SMC3: variants seen among roughly 807,000 people sequenced by gnomAD.
SMC3 encodes structural maintenance of chromosomes protein 3.
In SMC3, 20 loss-of-function variants were observed where a neutral mutation model predicts 171.8. The ratio of observed to expected loss-of-function variants is 0.12; its 90% CI spans 0.08 to 0.17. The LOEUF is 0.17. Ranked by LOEUF, SMC3 falls within the 10% of genes least tolerant of loss-of-function variation. The pLI is 1.00. For synonymous variants in SMC3, 464 were observed against 451.1 expected (o/e 1.03, Z -0.36); for missense variants, 543 against 1,420.4 (o/e 0.38, Z 9.93).
At chr10:110,601,398 G>T (rs1861384991) in intron 23 of SMC3, among the ~76,000 whole-genome samples, 1 of 152,118 alleles carries the variant, frequency 6.6e-6, no homozygotes, top group South Asian at 2.1e-4. Flanking sequence ...TCACTTAGTT[G>T]TTAGAAAATA....
At chr10:110,598,765 A>G (rs757069297) in intron 20 of SMC3, among the ~76,000 whole-genome samples, 5 of 152,134 alleles carry the variant, frequency 3.3e-5, no homozygotes, top group African/African-American at 9.7e-5. Flanking sequence ...ATGGATACCC[A>G]AAGTCTCCTA....
intron 8 of SMC3, 119 bp from the exon 9 acceptor site, chr10:110,581,804 C>T (rs1861034054): frequency 2.0e-6 from 2 of 989,542 alleles, no homozygotes; most frequent in South Asian, 2.8e-5. Context: ...GTTACCACAT[C>T]ACATCAAAGA....
At chr10:110,604,142 A>T in intron 28 of SMC3, 89 bp from the exon 29 acceptor site, 1 of 716,664 alleles carries the variant, frequency 1.4e-6, no homozygotes, top group Non-Finnish European at 2.4e-6. Flanking sequence ...ATGTAGTTAA[A>T]TGTAGTTGAT....
chr10:110,600,563 T>G lies in SMC3; in HGVS notation c.2535+17T>G, dbSNP rs777675445. 7 of 1,365,126 alleles carry G rather than the reference T, an allele frequency of 5.1e-6. No individual in the cohort carries two copies. The highest frequency in any genetic ancestry group is 1.7e-5 in the Admixed American group (1 of 59,380). 84.6% of individuals were successfully genotyped at this position (1,365,126 alleles called of 1,614,324 possible). On this transcript the variant is annotated intron_variant, in intron 22 of 28. Coordinates refer to ENST00000361804, the MANE Select transcript of SMC3 (RefSeq NM_005445.4). ...GTAGAACAGGTGTGTATGTGTTTTT[T>G]TTTTTTTTTTTAAGGGCTCCTTGGT...
chr10:110,588,639 T>G (rs1861160962), intron 13 of SMC3, among the ~76,000 whole-genome samples: 1 of 152,198 alleles, frequency 6.6e-6, no homozygotes, highest in African/African-American at 2.4e-5. Flanking sequence ...GCCTGGTACA[T>G]ACTGGGGTTT....
intron 10 of SMC3, 103 bp from the exon 11 acceptor site, chr10:110,583,276 TGAAAG>T: frequency 1.1e-6 from 1 of 895,918 alleles, no homozygotes; most frequent in South Asian, 1.4e-5. Flanking sequence ...AATTGAATAT[TGAAAG>T]GACAGAGTAT....
intron 10 of SMC3, 99 bp from the exon 11 acceptor site, chr10:110,583,285 A>G: frequency 1.1e-6 from 1 of 942,064 alleles, no homozygotes; most frequent in Non-Finnish European, 1.7e-6. Flanking sequence ...TTGAAAGGAC[A>G]GAGTATTACT....
Position 110,583,380 on chromosome 10 carries a change from A to G in SMC3, c.805-4A>G, listed in dbSNP as rs1331233382. The G allele has an allele frequency of 6.2e-7, 1 of 1,611,590 alleles. No individual in the cohort carries two copies. Among genetic ancestry groups the G allele is most frequent in the Non-Finnish European group, 8.5e-7 (1 of 1,178,432 alleles). On this transcript the variant is annotated splice_polypyrimidine_tract_variant and splice_region_variant and intron_variant, in intron 10 of 28. Coordinates refer to ENST00000361804, the MANE Select transcript of SMC3 (RefSeq NM_005445.4). Reference sequence around the variant, plus strand: ...CTTATTTTCTGTTTAATACTTTTGAATAGGATATCGAACGCCAAGTTAGAG... The same window carrying G: ...CTTATTTTCTGTTTAATACTTTTGAGTAGGATATCGAACGCCAAGTTAGAG...
chr10:110,598,135 A>T lies in SMC3; in HGVS notation c.2117-4A>T, dbSNP rs963434993. The T allele has an allele frequency of 6.2e-7, 1 of 1,613,204 alleles. No homozygotes were observed. Among genetic ancestry groups the T allele is most frequent in the Non-Finnish European group, 8.5e-7 (1 of 1,179,548 alleles). ...TGGAGATAATTTTCCTTAGCCTTGT[A>T]TATGGATTAATAATGAAATTGATCA... On this transcript the variant is annotated splice_polypyrimidine_tract_variant and splice_region_variant and intron_variant, in intron 19 of 28. Coordinates refer to ENST00000361804, the MANE Select transcript of SMC3 (RefSeq NM_005445.4).
At chr10:110,573,235 T>C (rs1339468238) in intron 2 of SMC3, among the ~76,000 whole-genome samples, 1 of 152,172 alleles carries the variant, frequency 6.6e-6, no homozygotes, top group Non-Finnish European at 1.5e-5. Flanking sequence ...TACCTTAAAA[T>C]TATTTATATT....
chr10:110,599,817 G>C lies in SMC3; in HGVS notation c.2427+5G>C, dbSNP rs765981967. The C allele has an allele frequency of 6.2e-7, 1 of 1,613,618 alleles. No individual in the cohort carries two copies. The highest frequency in any genetic ancestry group is 1.7e-5 in the Admixed American group (1 of 60,002). On this transcript the variant is annotated splice_donor_5th_base_variant and intron_variant, in intron 21 of 28. Transcript: ENST00000361804. ...GAGATTCGTCAACTTCAGCAGGTAAGTAGACAGCTGACTGGAAAAAGAATT... is the reference window on the plus strand; with the variant it reads ...GAGATTCGTCAACTTCAGCAGGTAACTAGACAGCTGACTGGAAAAAGAATT...
chr10:110,567,958 C>T, intron 1 of SMC3, 127 bp downstream of exon 1: 3 of 1,208,362 alleles, frequency 2.5e-6, no homozygotes, highest in South Asian at 2.6e-5. Context: ...TGGGCGGGGA[C>T]TGTGGGGGAG....
chr10:110,587,165 C>G (rs563014630), intron 13 of SMC3, among the ~76,000 whole-genome samples: 1 of 152,312 alleles, frequency 6.6e-6, no homozygotes, highest in African/African-American at 2.4e-5. Context: ...GCCGTAGCAA[C>G]TGCTGTGGAG....
rs1315104010 is a variant in SMC3 at position 110,605,367 on chromosome 10, T to C, written c.*1065T>C. 2.0e-5 allele frequency among the ~76,000 whole-genome samples: 3 copies of C among 152,196 alleles called. No homozygotes were observed. The highest frequency in any genetic ancestry group is 4.4e-5 in the Non-Finnish European group (3 of 68,014). ...GAGATTTTCTACATAGACAGTCATG[T>C]CATTTGCAAGAAAGAGGCAGTTTTA... is the stretch of plus-strand genomic sequence containing the variant. On this transcript the variant is annotated 3_prime_UTR_variant, in exon 29 of 29. Transcript: ENST00000361804.
intron 7 of SMC3, among the ~76,000 whole-genome samples, chr10:110,579,859 A>G (rs1861006356): frequency 6.6e-6 from 1 of 152,178 alleles, no homozygotes; most frequent in Non-Finnish European, 1.5e-5. Flanking sequence ...TCAATTTTTT[A>G]ATGCAGTGAT....
intron 17 of SMC3, among the ~76,000 whole-genome samples, chr10:110,591,859 T>C (rs375037459): frequency 2.0e-5 from 3 of 152,196 alleles, no homozygotes; most frequent in Admixed American, 1.3e-4. Flanking sequence ...CATCTACAAA[T>C]TGTCTTTGAA....
At chr10:110,594,238 A>C (rs953367328) in intron 18 of SMC3, among the ~76,000 whole-genome samples, 5 of 151,494 alleles carry the variant, frequency 3.3e-5, no homozygotes, top group Non-Finnish European at 4.4e-5. Context: ...AACAAAAGCC[A>C]CATTCAACAC....
intron 2 of SMC3, among the ~76,000 whole-genome samples, chr10:110,571,488 T>C (rs1248957062): frequency 6.6e-6 from 1 of 152,254 alleles, no homozygotes; most frequent in Non-Finnish European, 1.5e-5. Flanking sequence ...GTCAAAGTTT[T>C]CTACATCTGG....
At chr10:110,575,099 T>C (rs1044021773) in intron 3 of SMC3, among the ~76,000 whole-genome samples, 3 of 152,186 alleles carry the variant, frequency 2.0e-5, no homozygotes, top group African/African-American at 7.2e-5. Flanking sequence ...TTTCTCTTTA[T>C]TTCCTTACCT....
Sources: gnomAD v4.1 joint callset for allele counts (sites outside exome capture counted in the v4.1 genomes callset) on GRCh38, gnomAD v4.1.1 for gene constraint, MANE v1.5 for transcripts, NCBI Gene and HGNC (gene_info 2026-07-23, HGNC 2026-07-21) for gene names.